Variants in CENPE observed in about 807,000 individuals in gnomAD.
CENPE encodes centromere protein E, also known as centromere-associated protein E.
In CENPE, 145 loss-of-function variants were observed where a neutral mutation model predicts 336.1. The observed-to-expected ratio is 0.43, with a 90% CI of 0.38 to 0.50. The LOEUF (loss-of-function observed/expected upper bound fraction) is 0.50. CENPE is among the 20% of genes least tolerant of loss of function. The pLI, the probability that CENPE is intolerant of heterozygous loss-of-function variation, is 0.00. For missense variants in CENPE, 2,719 were observed against 3,023.3 expected, an observed-to-expected ratio of 0.90 and a Z score of 2.36; for synonymous variants, 1,013 against 984.8, an observed-to-expected ratio of 1.03 and a Z score of -0.54.
chr4:103,132,849 A>C lies in CENPE; in HGVS notation c.6768T>G (p.Thr2256=). The C allele has an allele frequency of 6.4e-7, 1 of 1,565,838 alleles. No homozygotes were observed. Among genetic ancestry groups the C allele is most frequent in the South Asian group, 1.2e-5 (1 of 81,954 alleles). Reference sequence around the variant, plus strand: ...TATTACTTAGTACTTGTTGAAATTCAGTCTTTATGCTAGGGAACTCACTTT... The same window carrying C: ...TATTACTTAGTACTTGTTGAAATTCCGTCTTTATGCTAGGGAACTCACTTT... The part of the protein sequence containing the change: ...FSESEFPSIK[T]EFQQVLSNRK... The change falls in exon 42 of 49, where the codon ACT becomes ACG. Residue 2256 remains threonine, a synonymous_variant. Coordinates refer to ENST00000265148, the MANE Select transcript of CENPE (RefSeq NM_001813.3).
At chr4:103,124,844 C>T (rs780679624) in intron 42 of CENPE, among the ~76,000 whole-genome samples, 1 of 152,154 alleles carries the variant, frequency 6.6e-6, no homozygotes, top group Non-Finnish European at 1.5e-5. Context: ...TCCTGACACC[C>T]TGGACACTCC....
At chr4:103,160,940 C>A (rs1260041466) in intron 20 of CENPE, 146 bp downstream of exon 20, 44 of 911,016 alleles carry the variant, frequency 4.8e-5, no homozygotes, top group Non-Finnish European at 8.0e-6. Flanking sequence ...AATATTAATA[C>A]CAAATGAAAC....
chr4:103,131,619 T>C (rs928512858), intron 42 of CENPE, among the ~76,000 whole-genome samples: 8 of 152,102 alleles, frequency 5.3e-5, no homozygotes, highest in African/African-American at 1.4e-4. Flanking sequence ...CTCAAGAGAG[T>C]TGAAAATGTA....
intron 16 of CENPE, among the ~76,000 whole-genome samples, chr4:103,169,597 G>T (rs1262319165): frequency 2.0e-5 from 3 of 152,130 alleles, no homozygotes; most frequent in Non-Finnish European, 4.4e-5. Flanking sequence ...CTTCTAAGCA[G>T]AAATCTCACA....
At chr4:103,124,649 C>G (rs1232113243) in intron 42 of CENPE, among the ~76,000 whole-genome samples, 2 of 152,160 alleles carry the variant, frequency 1.3e-5, no homozygotes, top group Non-Finnish European at 2.9e-5. Flanking sequence ...TAACAATACT[C>G]TTTTATATTG....
At chr4:103,135,442 A>C (rs1042734244) in intron 40 of CENPE, among the ~76,000 whole-genome samples, 2 of 152,180 alleles carry the variant, frequency 1.3e-5, no homozygotes, top group African/African-American at 4.8e-5. Context: ...AACCTGACTA[A>C]GCCCAAATCC....
chr4:103,191,721 C>A (rs575372847), intron 8 of CENPE, among the ~76,000 whole-genome samples: 1 of 151,684 alleles, frequency 6.6e-6, no homozygotes, highest in African/African-American at 2.4e-5. Context: ...GTGCAGTATA[C>A]CAACATGGCA....
rs199800413 is a variant in CENPE, at chr4:103,140,971, A to G, written c.5597T>C (p.Leu1866Ser). 1.9e-6 allele frequency: 3 copies of G among 1,612,322 alleles called. No homozygotes were observed. In the East Asian group the frequency reaches 6.7e-5, roughly 36 times the overall value. The change falls in exon 36 of 49, where the codon TTA becomes TCA. Residue 1866 changes from leucine to serine, a missense_variant. Coordinates refer to ENST00000265148, the MANE Select transcript of CENPE (RefSeq NM_001813.3). ...IKDQSLTLSK[L>S]EIENLNLAQK... ...AGCCAAATTTAAATTCTCTATTTCT[A>G]ATTTACTCAGAGTTAAGCTTTGGTC...
In CENPE at chr4:103,141,786, T is replaced by G. The variant is rs771854121; in HGVS notation, c.5427A>C (p.Lys1809Asn). The change falls in exon 35 of 49, where the codon AAA becomes AAC. Residue 1809 changes from lysine (K) to asparagine (N), a missense_variant. Transcript: ENST00000265148. The stretch of plus-strand genomic sequence containing the variant: ...ATTTAGCATTTGAATTTTCTAAATC[T>G]TTTTGCATATTTGATAGTTTATCTG... Reference protein sequence around the residue: ...EKTDKLSNMQKDLENSNAKLQ... With the variant: ...EKTDKLSNMQNDLENSNAKLQ... The G allele has an allele frequency of 2.2e-5, 34 of 1,551,882 alleles. No homozygotes were observed. The highest frequency in any genetic ancestry group is 4.5e-5 in the East Asian group (2 of 43,992).
At position 103,141,841 on chromosome 4, in the gene CENPE, T is replaced by C; in HGVS notation, c.5372A>G (p.Asp1791Gly). ...MHLKEQQETI[D>G]KLRGIVSEKT... ...CTCAGAAACAATTCCTCTGAGTTTG[T>C]CAATAGTTTCCTGCTGCTCTTTCAG... is the stretch of plus-strand genomic sequence containing the variant. The change falls in exon 35 of 49, where the codon GAC (aspartate) becomes GGC (glycine). Residue 1791 changes from aspartate to glycine, a missense_variant. Asp to Gly is a moderately conservative substitution (Grantham distance 94). Around this residue, in one of 5 missense-constraint regions of CENPE, gnomAD observed 2,437 missense variants for 2,513.3 expected, o/e 0.97. Transcript: ENST00000265148. The C allele has an allele frequency of 6.3e-7, 1 of 1,599,060 alleles. No individual in the cohort carries two copies. The highest frequency in any genetic ancestry group is 1.1e-5 in the South Asian group (1 of 89,792).
intron 16 of CENPE, among the ~76,000 whole-genome samples, chr4:103,169,006 C>G (rs1278194545): frequency 1.3e-5 from 2 of 152,130 alleles, no homozygotes; most frequent in Admixed American, 1.3e-4. Context: ...GATGTATTAT[C>G]TGCCAAAGAA....
chr4:103,113,192 A>T lies in CENPE; in HGVS notation c.7540+1263T>A, dbSNP rs566219947. Among the ~76,000 whole-genome samples the T allele has an allele frequency of 7.8e-3, 634 of 80,988 alleles. 7 individuals carry two copies. The highest frequency in any genetic ancestry group is 0.025 in the African/African-American group (600 of 23,530). The allele number at this position is 80,988 out of a possible 152,430, so 53.1% of individuals were successfully genotyped here. ...TAAGTATATAAGTGTATATATACTT[A>T]TAAGTATATAAGTGTATATATATAC... is the stretch of plus-strand genomic sequence containing the variant. On this transcript the variant is annotated intron_variant, in intron 46 of 48. Transcript: ENST00000265148.
chr4:103,170,120 C>A (rs1755271397), intron 16 of CENPE, among the ~76,000 whole-genome samples: 1 of 152,064 alleles, frequency 6.6e-6, no homozygotes, highest in Non-Finnish European at 1.5e-5. Context: ...ACATCACACA[C>A]TGGGGCCTGT....
At chr4:103,167,157 TAAAG>T (rs1427570987) in intron 16 of CENPE, among the ~76,000 whole-genome samples, 1 of 152,108 alleles carries the variant, frequency 6.6e-6, no homozygotes, top group Non-Finnish European at 1.5e-5. Flanking sequence ...ACATACTTTC[TAAAG>T]AAAAAGAAAT....
chr4:103,141,766 G>T lies in CENPE; in HGVS notation c.5447C>A (p.Ala1816Asp). The change falls in exon 35 of 49, where the codon GCT becomes GAT. Residue 1816 changes from alanine to aspartate, a missense_variant. Coordinates refer to ENST00000265148, the MANE Select transcript of CENPE (RefSeq NM_001813.3). ...TAAAAATACCTTTTCTTGTAATTTA[G>T]CATTTGAATTTTCTAAATCTTTTTG... ...NMQKDLENSN[A>D]KLQEKIQELK... is the part of the protein sequence containing the mutation. 6.6e-7 allele frequency: 1 copy of T among 1,526,244 alleles called. No individual in the cohort carries two copies. Among genetic ancestry groups the T allele is most frequent in the Non-Finnish European group, 9.0e-7 (1 of 1,115,120 alleles). 94.5% of individuals were successfully genotyped at this position (1,526,244 alleles called of 1,614,324 possible).
At position 103,136,322 on chromosome 4, in the gene CENPE, T is replaced by A. The variant is rs1420646955; in HGVS notation, c.6341A>T (p.Tyr2114Phe). 2.5e-6 allele frequency: 4 copies of A among 1,612,354 alleles called. 1 individual carries two copies. The South Asian group carries it at 3.3e-5, about 13-fold the overall frequency. Residue 2114 changes from tyrosine (Y) to phenylalanine (F), a missense_variant, in exon 40 of 49, where the codon TAT (tyrosine) becomes TTT (phenylalanine). Tyr to Phe is a conservative substitution (Grantham distance 22). This residue lies in a region of CENPE where 2,437 missense variants were observed against 2,513.3 expected (regional missense o/e 0.97). Transcript: ENST00000265148. ...AAGAGACAATCTATTCAAGCACTCATAATGATCATCCATCTCTGAGTATCT... is the reference window on the plus strand; with the variant it reads ...AAGAGACAATCTATTCAAGCACTCAAAATGATCATCCATCTCTGAGTATCT... ...LKRYSEMDDH[Y>F]ECLNRLSLDL...
intron 14 of CENPE, among the ~76,000 whole-genome samples, chr4:103,176,549 C>T (rs1300666477): frequency 1.3e-4 from 19 of 151,868 alleles, no homozygotes. Flanking sequence ...CTTATGATTA[C>T]TTTCTATTTA....
intron 15 of CENPE, among the ~76,000 whole-genome samples, 172 bp downstream of exon 15, chr4:103,175,788 T>G (rs1755802883): frequency 6.6e-6 from 1 of 152,154 alleles, no homozygotes; most frequent in Non-Finnish European, 1.5e-5. Context: ...TTATGAAATT[T>G]TTAGCCTTCC....
intron 16 of CENPE, among the ~76,000 whole-genome samples, chr4:103,174,141 T>C (rs529483987): frequency 2.1e-4 from 31 of 150,090 alleles, no homozygotes; most frequent in South Asian, 8.4e-4. Flanking sequence ...AAATTTGGTA[T>C]AAAGTCACAA....
Sources: gnomAD v4.1 joint callset for allele counts (sites outside exome capture counted in the v4.1 genomes callset) on GRCh38, gnomAD v4.1.1 for gene constraint, gnomAD v4.1.1 regional missense constraint, MANE v1.5 for transcripts, NCBI Gene and HGNC (gene_info 2026-07-23, HGNC 2026-07-21) for gene names.